Variants in STK31 observed in about 807,000 individuals in gnomAD.
The protein encoded by STK31 is serine/threonine-protein kinase 31.
In STK31, 89 loss-of-function variants were observed where a neutral mutation model predicts 129.7. The observed-to-expected ratio is 0.69, with a 90% CI of 0.58 to 0.82. STK31 has a LOEUF of 0.82. STK31 is among the 40% of genes least tolerant of loss of function. The pLI is 0.00. For missense variants in STK31, 1,187 were observed against 1,176.4 expected (o/e 1.01, Z -0.13); for synonymous variants, 448 against 395.3 (o/e 1.13, Z -1.58).
At position 23,755,548 on chromosome 7, in the gene STK31, G is replaced by A. The variant is rs183062510; in HGVS notation, c.1293+1074G>A. 1.2e-3 allele frequency among the ~76,000 whole-genome samples: 187 copies of A among 152,280 alleles called. 3 individuals carry two copies. Among genetic ancestry groups the A allele is most frequent in the African/African-American group, 4.4e-3 (183 of 41,568 alleles). On this transcript the variant is annotated intron_variant, in intron 10 of 23. Transcript: ENST00000355870. ...TTTGACTTTTGTTGCATTTGCTTTTGTTGTTTTTGTCAAGAAGTCTTTGCC... is the reference window on the plus strand; with the variant it reads ...TTTGACTTTTGTTGCATTTGCTTTTATTGTTTTTGTCAAGAAGTCTTTGCC...
intron 22 of STK31, chr7:23,811,445 A>G (rs1793126264): frequency 6.1e-6 from 2 of 326,822 alleles, no homozygotes; most frequent in African/African-American, 2.2e-5. Context: ...GTTCATGACA[A>G]TATCAATACC....
At chr7:23,792,915 G>C (rs1038367846) in intron 22 of STK31, among the ~76,000 whole-genome samples, 1 of 152,168 alleles carries the variant, frequency 6.6e-6, no homozygotes, top group Non-Finnish European at 1.5e-5. Context: ...CTAGCTCCTT[G>C]GTAGGCTGAG....
chr7:23,789,638 G>A (rs938357947), intron 21 of STK31, among the ~76,000 whole-genome samples: 1 of 152,140 alleles, frequency 6.6e-6, no homozygotes, highest in Non-Finnish European at 1.5e-5. Flanking sequence ...TTGATTTTCT[G>A]AAATATTTAC....
At position 23,717,545 on chromosome 7, in the gene STK31, C is replaced by T; in HGVS notation, c.215C>T (p.Ala72Val). The change falls in exon 4 of 24, where the codon GCC (alanine) becomes GTC (valine). Residue 72 changes from alanine to valine, a missense_variant. Physicochemically the swap from Ala to Val is moderately conservative, Grantham distance 64. Transcript: ENST00000355870. Reference sequence around the variant, plus strand: ...TCACTGTCTGAAGTTTGCCCCCAGGCCAGTTCAGTTTTGGGGAATCTTGAC... The same window carrying T: ...TCACTGTCTGAAGTTTGCCCCCAGGTCAGTTCAGTTTTGGGGAATCTTGAC... ...GCSLSEVCPQ[A>V]SSVLGNLDPN... 6.2e-7 allele frequency: 1 copy of T among 1,612,870 alleles called. No individual in the cohort carries two copies. Among genetic ancestry groups the T allele is most frequent in the Non-Finnish European group, 8.5e-7 (1 of 1,179,306 alleles).
chr7:23,786,144 CTT>C (rs1226167997), intron 18 of STK31, among the ~76,000 whole-genome samples: 3 of 151,862 alleles, frequency 2.0e-5, no homozygotes, highest in Non-Finnish European at 2.9e-5. Context: ...CATCCAATAT[CTT>C]TTTAAAATTC....
chr7:23,736,420 G>A (rs921821150), intron 7 of STK31, among the ~76,000 whole-genome samples: 4 of 151,932 alleles, frequency 2.6e-5, no homozygotes, highest in African/African-American at 9.7e-5. Flanking sequence ...ATATTTATAT[G>A]TATCAAAACA....
At chr7:23,795,925 A>G (rs991293474) in intron 22 of STK31, among the ~76,000 whole-genome samples, 10 of 152,236 alleles carry the variant, frequency 6.6e-5, no homozygotes, top group Non-Finnish European at 4.4e-5. Context: ...TTGATTTTAC[A>G]GGCTCATAGG....
intron 22 of STK31, among the ~76,000 whole-genome samples, chr7:23,803,316 T>G (rs918361252): frequency 6.6e-6 from 1 of 152,198 alleles, no homozygotes; most frequent in African/African-American, 2.4e-5. Context: ...TCAAAAGATT[T>G]TATTTACAAG....
At chr7:23,810,823 T>C (rs1793076006) in intron 22 of STK31, among the ~76,000 whole-genome samples, 1 of 140,926 alleles carries the variant, frequency 7.1e-6, no homozygotes. Context: ...TATATAAATA[T>C]GTATAAATAT....
chr7:23,789,517 A>G (rs75010636), intron 21 of STK31, among the ~76,000 whole-genome samples: 1,615 of 152,212 alleles, frequency 0.011, 26 homozygotes, highest in African/African-American at 0.037. Context: ...TCATAGTGTA[A>G]TGCTACTGGA....
chr7:23,784,240 C>T (rs1027727565), intron 17 of STK31, among the ~76,000 whole-genome samples: 13 of 152,146 alleles, frequency 8.5e-5, no homozygotes, highest in African/African-American at 2.4e-4. Flanking sequence ...TTGCCTTCTA[C>T]AGTGAGGGCC....
chr7:23,805,620 A>G (rs1041791043), intron 22 of STK31, among the ~76,000 whole-genome samples: 7 of 151,976 alleles, frequency 4.6e-5, no homozygotes, highest in Non-Finnish European at 8.8e-5. Context: ...AGTAGCTGGG[A>G]CTACAGGTTG....
At chr7:23,750,260 A>C (rs986895310) in intron 8 of STK31, among the ~76,000 whole-genome samples, 4 of 152,008 alleles carry the variant, frequency 2.6e-5, no homozygotes, top group African/African-American at 9.7e-5. Flanking sequence ...GTTTGTCAGC[A>C]GTCCAGGTTT....
chr7:23,783,736 A>G (rs6461737), intron 17 of STK31, 73 bp downstream of exon 17: 389,075 of 1,223,198 alleles, frequency 0.32, 62,834 homozygotes, highest in Admixed American at 0.42. Context: ...AATTTGTGTC[A>G]GTGTTAAACT....
At chr7:23,762,722 G>T (rs1401546973) in intron 10 of STK31, 79 bp from the exon 11 acceptor site, 16 of 1,514,720 alleles carry the variant, frequency 1.1e-5, no homozygotes, top group Non-Finnish European at 1.2e-5. Flanking sequence ...TAATTTTGGA[G>T]ATCACTTTTT....
intron 8 of STK31, among the ~76,000 whole-genome samples, chr7:23,748,421 T>A (rs1788486342): frequency 6.6e-6 from 1 of 152,242 alleles, no homozygotes; most frequent in African/African-American, 2.4e-5. Flanking sequence ...TATATTCTGC[T>A]GTTATTGGAT....
At chr7:23,781,013 A>G (rs1444999922) in intron 15 of STK31, among the ~76,000 whole-genome samples, 3 of 152,158 alleles carry the variant, frequency 2.0e-5, no homozygotes, top group Non-Finnish European at 4.4e-5. Context: ...CAGTTCACAC[A>G]TTTACTCATC....
chr7:23,738,057 T>A (rs1294314806), intron 8 of STK31, among the ~76,000 whole-genome samples: 3 of 152,192 alleles, frequency 2.0e-5, no homozygotes, highest in Non-Finnish European at 2.9e-5. Flanking sequence ...GCCTCTACTT[T>A]AGATGCCAGC....
At chr7:23,743,637 A>G (rs143487109) in intron 8 of STK31, among the ~76,000 whole-genome samples, 1 of 152,202 alleles carries the variant, frequency 6.6e-6, no homozygotes, top group African/African-American at 2.4e-5. Context: ...TTATCTGTTT[A>G]GGCATCTCTG....
Sources: gnomAD v4.1 joint callset for allele counts (sites outside exome capture counted in the v4.1 genomes callset) on GRCh38, gnomAD v4.1.1 for gene constraint, MANE v1.5 for transcripts, NCBI Gene and HGNC (gene_info 2026-07-23, HGNC 2026-07-21) for gene names.